PRKCG: variants seen among roughly 807,000 people sequenced by gnomAD.
PRKCG encodes the protein protein kinase C gamma type.
Under a neutral mutation model 82.0 loss-of-function variants are expected in PRKCG, and 28 were observed. That is an observed-to-expected ratio of 0.34 (90% CI 0.25 to 0.47). The LOEUF (loss-of-function observed/expected upper bound fraction) is 0.47, where lower values mean the gene tolerates loss of function less well. PRKCG is among the 20% of genes least tolerant of loss of function. The probability of loss-of-function intolerance (pLI) is 1.00; values close to 1 mark genes in which losing one functional copy is unlikely to be tolerated. For synonymous variants in PRKCG, 383 were observed against 376.6 expected, an observed-to-expected ratio of 1.02 and a Z score of -0.20; for missense variants, 640 against 952.7, an observed-to-expected ratio of 0.67 and a Z score of 4.32.
At position 53,897,974 on chromosome 19, in the gene PRKCG, C is replaced by A. The variant is rs367543214; in HGVS notation, c.955C>A (p.Pro319Thr). The change falls in exon 10 of 18, where the codon CCC (proline) becomes ACC (threonine). Residue 319 changes from proline to threonine, a missense_variant. Transcript: ENST00000263431. The part of the protein sequence containing the change: ...LELYERVRMG[P>T]SSSPIPSPSP... ...CTTTCCACAGCGGGTGCGGATGGGC[C>A]CCTCTTCCTCTCCCATCCCCTCCCC... 2.8e-5 allele frequency: 45 copies of A among 1,613,936 alleles called. No individual in the cohort carries two copies. Among genetic ancestry groups the A allele is most frequent in the Non-Finnish European group, 3.5e-5 (41 of 1,180,020 alleles).
In PRKCG at chr19:53,883,234, G is replaced by T; in HGVS notation, c.202+40G>T. 1 of 1,612,712 alleles carries T rather than the reference G, an allele frequency of 6.2e-7. No homozygotes were observed. The highest frequency in any genetic ancestry group is 8.5e-7 in the Non-Finnish European group (1 of 1,179,144). On this transcript the variant is annotated intron_variant, in intron 2 of 17. Coordinates refer to ENST00000263431, the MANE Select transcript of PRKCG (RefSeq NM_002739.5). This position sits in a 1 kb window ranked among gnomAD's most constrained non-coding sequence, Gnocchi z 5.4. ...CCGGGGCTCCTGGGACCCTCAGGAG[G>T]GTGGAGGCTGGGGCCCCACAGCTGA...
intron 3 of PRKCG, among the ~76,000 whole-genome samples, chr19:53,885,472 C>T (rs2068624756): frequency 6.6e-6 from 1 of 152,114 alleles, no homozygotes; most frequent in African/African-American, 2.4e-5. Context: ...CCTTGTGATC[C>T]ACCCGCCTCG....
chr19:53,907,173 C>T lies in PRKCG; in HGVS notation c.*278C>T, dbSNP rs968951071. 1.9e-5 allele frequency: 12 copies of T among 624,156 alleles called. No homozygotes were observed. In the African/African-American group the frequency reaches 2.0e-4, roughly 11 times the overall value. The allele number at this position is 624,156 out of a possible 1,614,324, so 38.7% of individuals were successfully genotyped here. A position where few individuals can be genotyped will look rare whatever the true frequency, so the allele number is the denominator to read the frequency against. Reference sequence around the variant, plus strand: ...CTCTGCCCCAATCGGGTCCAGAGACCACACCACTAACCATCCCCAACTCCA... The same window carrying T: ...CTCTGCCCCAATCGGGTCCAGAGACTACACCACTAACCATCCCCAACTCCA... On this transcript the variant is annotated 3_prime_UTR_variant, in exon 18 of 18. Transcript: ENST00000263431.
At chr19:53,890,307 A>T (rs1445227012) in intron 5 of PRKCG, among the ~76,000 whole-genome samples, 2 of 151,536 alleles carry the variant, frequency 1.3e-5, no homozygotes, top group Admixed American at 1.3e-4. Context: ...CTCAAGCTGG[A>T]GTGCAATGGC....
rs2068610780 is a variant in PRKCG, at chr19:53,883,677, C to G, written c.202+483C>G. Among the ~76,000 whole-genome samples, 2 of 141,306 alleles carry G rather than the reference C, an allele frequency of 1.4e-5. No homozygotes were observed. Among genetic ancestry groups the G allele is most frequent in the Non-Finnish European group, 3.0e-5 (2 of 65,784 alleles). 92.7% of individuals were successfully genotyped at this position (141,306 alleles called of 152,430 possible). A position where few individuals can be genotyped will look rare whatever the true frequency, so the allele number is the denominator to read the frequency against. On this transcript the variant is annotated intron_variant, in intron 2 of 17. Transcript: ENST00000263431. This position sits in a 1 kb window ranked among gnomAD's most constrained non-coding sequence, Gnocchi z 5.4. The stretch of plus-strand genomic sequence containing the variant: ...GCGAGTCCTTGAGCACCAGCTGCTA[C>G]TGCTGAGAACAGAGTGAGTCAGGGT...
chr19:53,884,058 CAG>C lies in PRKCG; in HGVS notation c.203-102_203-101del. The C allele has an allele frequency of 8.9e-7, 1 of 1,120,274 alleles. No individual in the cohort carries two copies. Among genetic ancestry groups the C allele is most frequent in the African/African-American group, 1.5e-5 (1 of 65,292 alleles). The allele number at this position is 1,120,274 out of a possible 1,614,324, so 69.4% of individuals were successfully genotyped here. The stretch of plus-strand genomic sequence containing the variant: ...GAGATCCCTCTCTTTCTGGTTTTCT[CAG>C]TGTCCGAGTTCCGCTCTCTCTTTCC... On this transcript the variant is annotated intron_variant, in intron 2 of 17. Transcript: ENST00000263431. This position sits in a 1 kb window ranked among gnomAD's most constrained non-coding sequence, Gnocchi z 4.6.
At chr19:53,888,818 T>C (rs909374331) in intron 3 of PRKCG, among the ~76,000 whole-genome samples, 11 of 152,040 alleles carry the variant, frequency 7.2e-5, no homozygotes, top group African/African-American at 2.7e-4. Context: ...GGCCCACAAG[T>C]CCTCAAATAA....
rs367543207 is a variant in PRKCG, at chr19:53,891,678, C to T, written c.534C>T (p.Gly178=). Residue 178 remains glycine (G), a synonymous_variant, in exon 6 of 18, where the codon GGC becomes GGT. Coordinates refer to ENST00000263431, the MANE Select transcript of PRKCG (RefSeq NM_002739.5). ...PTADEIHVTV[G]EARNLIPMDP... is the part of the protein sequence containing the mutation. ...TCTTCCTCACTCCCCGTTTAGTTGG[C>T]GAGGCCCGTAACCTAATTCCTATGG... is the stretch of plus-strand genomic sequence containing the variant. 2.7e-5 allele frequency: 44 copies of T among 1,613,638 alleles called. No homozygotes were observed. The highest frequency in any genetic ancestry group is 4.0e-5 in the African/African-American group (3 of 74,876).
chr19:53,890,273 T>G (rs890410271), intron 5 of PRKCG, among the ~76,000 whole-genome samples: 16 of 152,054 alleles, frequency 1.1e-4, no homozygotes, highest in South Asian at 2.1e-4. Context: ...TTTTTTTTTT[T>G]GGGACGGAGT....
In PRKCG at chr19:53,906,022, T is replaced by TCCTCCTCCTC. The variant is rs1568763645; in HGVS notation, c.1765-294_1765-293insCTCCTCCTCC. ...CTCTCTCTGTCTCGCTCTCTGTCTG[T>TCCTCCTCCTC]CTCCCTCCTCCTCCTCCTCCCTCCT... On this transcript the variant is annotated intron_variant, in intron 16 of 17. Coordinates refer to ENST00000263431, the MANE Select transcript of PRKCG (RefSeq NM_002739.5). 2.1e-3 allele frequency among the ~76,000 whole-genome samples: 178 copies of TCCTCCTCCTC among 85,490 alleles called. 16 individuals carry two copies. The highest frequency in any genetic ancestry group is 0.011 in the African/African-American group (166 of 15,108). 56.1% of individuals were successfully genotyped at this position (85,490 alleles called of 152,430 possible). A position where few individuals can be genotyped will look rare whatever the true frequency, so the allele number is the denominator to read the frequency against.
At position 53,883,095 on chromosome 19, in the gene PRKCG, G is replaced by A. The variant is rs2068605097; in HGVS notation, c.171-68G>A. 11 of 1,594,940 alleles carry A rather than the reference G, an allele frequency of 6.9e-6. No individual in the cohort carries two copies. The highest frequency in any genetic ancestry group is 7.7e-6 in the Non-Finnish European group (9 of 1,163,006). On this transcript the variant is annotated intron_variant, in intron 1 of 17. Transcript: ENST00000263431. This position sits in a 1 kb window ranked among gnomAD's most constrained non-coding sequence, Gnocchi z 5.4. ...GAGGGTCAGAGAGCGCAGGCCCCCT[G>A]TGGCTCGCAGAGGTTGGGGGTCCAG...
At chr19:53,885,281 T>C (rs1183286850) in intron 3 of PRKCG, among the ~76,000 whole-genome samples, 1 of 152,102 alleles carries the variant, frequency 6.6e-6, no homozygotes, top group Non-Finnish European at 1.5e-5. Flanking sequence ...CAAGCTGGAG[T>C]GCAGTGGCGC....
chr19:53,888,408 T>C (rs1416175356), intron 3 of PRKCG, among the ~76,000 whole-genome samples: 1 of 152,154 alleles, frequency 6.6e-6, no homozygotes, highest in Non-Finnish European at 1.5e-5. Flanking sequence ...AAGGAGAAGC[T>C]TCACTGATGA....
chr19:53,887,497 CAAAAAAAAAAAAAAAAAAA>C lies in PRKCG; in HGVS notation c.286-2121_286-2103del, dbSNP rs71189894. Among the ~76,000 whole-genome samples the C allele has an allele frequency of 1.1e-3, 16 of 14,714 alleles. No individual in the cohort carries two copies. The East Asian group carries it at 0.019, about 18-fold the overall frequency. The allele number at this position is 14,714 out of a possible 152,430, so 9.7% of individuals were successfully genotyped here. The stretch of plus-strand genomic sequence containing the variant: ...GGGCAGCAAGAACAAAACTCTGTCT[CAAAAAAAAAAAAAAAAAAA>C]AAAAAAAAAAAAAAAAAAAGGTAAC... On this transcript the variant is annotated intron_variant, in intron 3 of 17. Transcript: ENST00000263431.
intron 16 of PRKCG, 45 bp downstream of exon 16, chr19:53,904,787 C>T: frequency 2.1e-6 from 3 of 1,456,612 alleles, no homozygotes; most frequent in Middle Eastern, 1.7e-4. Context: ...CACAACCACA[C>T]ACCCCATTGC....
intron 6 of PRKCG, 138 bp downstream of exon 6, chr19:53,891,968 A>G: frequency 2.7e-6 from 3 of 1,116,680 alleles, no homozygotes; most frequent in Non-Finnish European, 2.7e-6. Context: ...TGGTGGGAAA[A>G]GGGAATAGAG....
At chr19:53,902,901 A>C (rs1235918072) in intron 14 of PRKCG, among the ~76,000 whole-genome samples, 172 bp from the exon 15 acceptor site, 2 of 151,092 alleles carry the variant, frequency 1.3e-5, no homozygotes, top group Admixed American at 6.6e-5. Context: ...AAAAAAAAAA[A>C]AAAAAAAAAA....
intron 16 of PRKCG, among the ~76,000 whole-genome samples, chr19:53,905,830 T>C (rs1045889117): frequency 7.2e-6 from 1 of 139,846 alleles, no homozygotes; most frequent in Non-Finnish European, 1.5e-5. Flanking sequence ...TCCCTCATGA[T>C]TTGTTCTGTT....
In PRKCG at chr19:53,900,091, C is replaced by T. The variant is rs2123015613; in HGVS notation, c.1282-142C>T. 1.3e-6 allele frequency: 1 copy of T among 790,244 alleles called. No homozygotes were observed. The highest frequency in any genetic ancestry group is 2.2e-6 in the Non-Finnish European group (1 of 458,110). The allele number at this position is 790,244 out of a possible 1,614,324, so 49.0% of individuals were successfully genotyped here. On this transcript the variant is annotated intron_variant, in intron 11 of 17. Transcript: ENST00000263431. This position sits in a 1 kb window ranked among gnomAD's most constrained non-coding sequence, Gnocchi z 4.2. ...GTAGCAGGATTAGCACCTTAGGGCC[C>T]TCCCAGGGATGTGGCTAGGTGCTCT...
Sources: allele counts gnomAD v4.1 joint callset (sites outside exome capture counted in the v4.1 genomes callset), GRCh38; gene constraint gnomAD v4.1.1; non-coding constraint Gnocchi (gnomAD v3.1); transcripts MANE v1.5; gene names NCBI Gene and HGNC (gene_info 2026-07-23, HGNC 2026-07-21).